The following FAM161A variants were observed in gnomAD, a reference collection of about 807,000 sequenced individuals.
FAM161A encodes FAM161 centrosomal protein A.
In FAM161A, 57 loss-of-function variants were observed where a neutral mutation model predicts 70.9. The observed-to-expected ratio is 0.80, with a 90% CI of 0.65 to 1.00. The LOEUF is 1.00. Among genes scored for constraint, FAM161A ranks in the 50% least tolerant of loss-of-function variants. The probability of loss-of-function intolerance (pLI) is 0.00; values close to 1 mark genes in which losing one functional copy is unlikely to be tolerated. For missense variants in FAM161A, 880 were observed against 836.0 expected (o/e 1.05, Z -0.65); for synonymous variants, 299 against 295.7 (o/e 1.01, Z -0.12).
At chr2:61,833,757 C>G (rs535094868) in intron 5 of FAM161A, among the ~76,000 whole-genome samples, 64 of 152,260 alleles carry the variant, frequency 4.2e-4, no homozygotes, top group Middle Eastern at 6.8e-3. Flanking sequence ...AAGCTAGGTG[C>G]AGTGGCTCAT....
At chr2:61,804,949 G>A in the FAM161A span, among the ~76,000 whole-genome samples, 2 of 152,010 alleles carry the variant, frequency 1.3e-5, no homozygotes, top group African/African-American at 4.8e-5. Flanking sequence ...TGAATCCACT[G>A]GCACCTAGAC....
Position 61,839,433 on chromosome 2 carries a change from T to G in FAM161A, c.1571A>C (p.Glu524Ala). The G allele has an allele frequency of 6.2e-7, 1 of 1,614,190 alleles. No homozygotes were observed. Among genetic ancestry groups the G allele is most frequent in the Non-Finnish European group, 8.5e-7 (1 of 1,180,022 alleles). ...PVPTVSSRGR[E>A]QAVRRSLEEK... is the part of the protein sequence containing the mutation. ...CCTACTTACTTACCTTACGGCTTGT[T>G]CTCGTCCTCTGGAAGATACCGTGGG... The change falls in exon 3 of 7, where the codon GAA becomes GCA. Residue 524 changes from glutamate (E) to alanine (A), a missense_variant. Physicochemically the swap from Glu to Ala is moderately radical, Grantham distance 107. Coordinates refer to ENST00000404929, the MANE Select transcript of FAM161A (RefSeq NM_001201543.2).
chr2:61,846,971 C>G, intron 1 of FAM161A: 1 of 448,502 alleles, frequency 2.2e-6, no homozygotes, highest in African/African-American at 2.1e-5. Flanking sequence ...CGAGACCAAT[C>G]TGGCCAACAT....
chr2:61,804,144 C>T, the FAM161A span, among the ~76,000 whole-genome samples: 1 of 152,152 alleles, frequency 6.6e-6, no homozygotes, highest in African/African-American at 2.4e-5. Context: ...CTGACGTTGC[C>T]ATGGCATTTG....
chr2:61,845,341 C>T (rs139858234), intron 1 of FAM161A, among the ~76,000 whole-genome samples: 150 of 152,274 alleles, frequency 9.9e-4, no homozygotes, highest in East Asian at 7.5e-3. Context: ...ACCATGAGAA[C>T]ACTCCAAACT....
chr2:61,841,036 T>G (rs145967466), intron 2 of FAM161A, among the ~76,000 whole-genome samples: 1,710 of 152,332 alleles, frequency 0.011, 31 homozygotes, highest in African/African-American at 0.038. Context: ...TTATTTGGAA[T>G]AGAGCTGGGC....
chr2:61,836,737 A>T (rs1672788151), intron 4 of FAM161A: 1 of 159,436 alleles, frequency 6.3e-6, no homozygotes, highest in Non-Finnish European at 1.4e-5. Flanking sequence ...ATGCCTGGCT[A>T]ATTTTCTGTA....
chr2:61,827,629 AT>A (rs1553351157), intron 5 of FAM161A, among the ~76,000 whole-genome samples: 3,636 of 149,352 alleles, frequency 0.024, 66 homozygotes, highest in Non-Finnish European at 0.038. Flanking sequence ...AAAAAAAAAA[AT>A]ATGGATTAAA....
At chr2:61,823,370 T>TAG (rs1262764557), downstream of FAM161A, among the ~76,000 whole-genome samples, 4 of 24,758 alleles carry the variant, frequency 1.6e-4, no homozygotes, top group African/African-American at 3.7e-4. Flanking sequence ...ATCATATATA[T>TAG]ATATATATAT....
chr2:61,830,683 CA>C (rs10633119), intron 5 of FAM161A, among the ~76,000 whole-genome samples: 2,156 of 82,052 alleles, frequency 0.026, 25 homozygotes, highest in Non-Finnish European at 0.035. Context: ...GACCCTGTCT[CA>C]AAAAAAAAAA....
intron 5 of FAM161A, 107 bp from the exon 6 acceptor site, chr2:61,827,365 C>G: frequency 9.3e-7 from 1 of 1,074,282 alleles, no homozygotes; most frequent in Non-Finnish European, 1.4e-6. Flanking sequence ...AATCCCAGTG[C>G]TTTGGGAGGC....
chr2:61,851,146 T>G (rs1441471469), intron 1 of FAM161A, among the ~76,000 whole-genome samples: 4 of 151,764 alleles, frequency 2.6e-5, no homozygotes, highest in Non-Finnish European at 1.5e-5. Context: ...AGTGATGGGA[T>G]TACAGATGTG....
the FAM161A span, among the ~76,000 whole-genome samples, chr2:61,816,676 G>A: frequency 6.6e-6 from 1 of 152,178 alleles, no homozygotes; most frequent in African/African-American, 2.4e-5. Context: ...TTGCTATGTT[G>A]CCCAGGCTGG....
the FAM161A span, among the ~76,000 whole-genome samples, chr2:61,818,665 G>A: frequency 6.6e-6 from 1 of 152,236 alleles, no homozygotes; most frequent in East Asian, 1.9e-4. Context: ...TCACATAAAA[G>A]AGACTGGGAA....
downstream of FAM161A, among the ~76,000 whole-genome samples, chr2:61,822,590 TTTTA>T (rs1672225041): frequency 1.3e-5 from 2 of 152,326 alleles, no homozygotes; most frequent in South Asian, 4.1e-4. Context: ...TAAAGTTATT[TTTTA>T]TTTTTTTTGA....
At chr2:61,846,851 A>G in intron 1 of FAM161A, 1 of 439,672 alleles carries the variant, frequency 2.3e-6, no homozygotes, top group South Asian at 1.7e-5. Flanking sequence ...TTTTAGTAGC[A>G]GTGTCTGAAT....
chr2:61,842,902 C>G (rs1673072078), intron 1 of FAM161A, among the ~76,000 whole-genome samples: 1 of 152,114 alleles, frequency 6.6e-6, no homozygotes, highest in African/African-American at 2.4e-5. Flanking sequence ...GAGAAGCCCT[C>G]CTCACAGTGG....
chr2:61,813,696 G>A, the FAM161A span, among the ~76,000 whole-genome samples: 14 of 144,156 alleles, frequency 9.7e-5, no homozygotes, highest in South Asian at 1.3e-3. Context: ...TCCAACCTGC[G>A]TGACAGAGCA....
At position 61,827,093 on chromosome 2, in the gene FAM161A, A is replaced by T. The variant is rs2105059684; in HGVS notation, c.2006+11T>A. On this transcript the variant is annotated intron_variant, in intron 6 of 6. Transcript: ENST00000404929. ...CAAAGGTAAGCCATTCAGACATCTT[A>T]TATATGTTACCTTTCTTTGTCTTCA... 1.2e-6 allele frequency: 2 copies of T among 1,612,872 alleles called. No individual in the cohort carries two copies. The highest frequency in any genetic ancestry group is 2.2e-5 in the South Asian group (2 of 91,028).
Sources: allele counts gnomAD v4.1 joint callset (sites outside exome capture counted in the v4.1 genomes callset), GRCh38; gene constraint gnomAD v4.1.1; transcripts MANE v1.5; gene names NCBI Gene and HGNC (gene_info 2026-07-23, HGNC 2026-07-21).